Variants in CS observed in about 807,000 individuals in gnomAD.
The protein encoded by CS is citrate synthase.
A neutral mutation model predicts 61.4 loss-of-function variants in CS; 13 were observed. The ratio of observed to expected loss-of-function variants is 0.21; its 90% confidence interval spans 0.14 to 0.34. CS has a LOEUF of 0.34. CS is among the 10% of genes least tolerant of loss of function. The pLI is 1.00. For synonymous variants in CS, 159 were observed against 215.2 expected, an observed-to-expected ratio of 0.74 and a Z score of 2.29; for missense variants, 278 against 573.4, an observed-to-expected ratio of 0.48 and a Z score of 5.26.
intron 4 of CS, 32 bp downstream of exon 4, chr12:56,283,760 G>A: frequency 1.9e-6 from 3 of 1,546,412 alleles, no homozygotes; most frequent in Non-Finnish European, 2.7e-6. Flanking sequence ...CAAACTCAAT[G>A]ATTATTAGTA....
At chr12:56,298,535 A>G in intron 1 of CS, 6 of 657,960 alleles carry the variant, frequency 9.1e-6, no homozygotes, top group Non-Finnish European at 1.1e-5. Context: ...CTCAGAAATG[A>G]GCTAATTATA....
intron 1 of CS, chr12:56,299,761 C>T (rs1873420785): frequency 4.6e-6 from 1 of 216,072 alleles, no homozygotes; most frequent in South Asian, 5.5e-5. Flanking sequence ...GAGCACATAT[C>T]TTCACTCCCG....
chr12:56,278,371 A>G (rs1592406974), intron 6 of CS, among the ~76,000 whole-genome samples: 1 of 151,746 alleles, frequency 6.6e-6, no homozygotes, highest in Admixed American at 6.6e-5. Context: ...CAGGTTATCC[A>G]CCTTCCTCGG....
chr12:56,285,579 C>T (rs901160764), intron 3 of CS, among the ~76,000 whole-genome samples: 20 of 152,198 alleles, frequency 1.3e-4, no homozygotes, highest in African/African-American at 2.4e-5. Flanking sequence ...TGAGCCATTG[C>T]GCCCTCTGTT....
chr12:56,274,991 A>G lies in CS; in HGVS notation c.918+11T>C. ...AAACATGTAGCAGGAAAATAAAAAG[A>G]ATAGTCTTACCTGATTTGCCAGTCC... On this transcript the variant is annotated intron_variant, in intron 8 of 10. Transcript: ENST00000351328. 2.5e-6 allele frequency: 4 copies of G among 1,613,822 alleles called. No individual in the cohort carries two copies. Among genetic ancestry groups the G allele is most frequent in the Non-Finnish European group, 3.4e-6 (4 of 1,179,842 alleles).
rs574886333 is a variant in CS at position 56,292,547 on chromosome 12, G to C, written c.43-5902C>G. ...TGTCTCCTTTGCTCGGTGTACTCTC[G>C]TGGCAAAACTGCTGGCGTGTACCCT... On this transcript the variant is annotated intron_variant, in intron 1 of 10. Transcript: ENST00000351328. Among the ~76,000 whole-genome samples the C allele has an allele frequency of 1.2e-4, 18 of 151,648 alleles. No individual in the cohort carries two copies. In the South Asian group the frequency reaches 3.5e-3, roughly 30 times the overall value.
At chr12:56,280,692 G>A (rs1405060095) in intron 6 of CS, among the ~76,000 whole-genome samples, 1 of 151,696 alleles carries the variant, frequency 6.6e-6, no homozygotes, top group Non-Finnish European at 1.5e-5. Context: ...CAGCCTGGGT[G>A]ACACAGCGAG....
chr12:56,282,871 T>C lies in CS; in HGVS notation c.388A>G (p.Thr130Ala). Residue 130 changes from threonine to alanine, a missense_variant, in exon 5 of 11, where the codon ACA becomes GCA. This residue lies in a region of CS where 223 missense variants were observed against 503.5 expected (regional missense o/e 0.44). Coordinates refer to ENST00000351328, the MANE Select transcript of CS (RefSeq NM_004077.3). ...FWLLVTGHIP[T>A]EEQVSWLSKE... ...TCCTTCTGCTTTACCTGTTCCTCTGTTGGGATATGTCCAGTTACCAGCAGC... is the reference window on the plus strand; with the variant it reads ...TCCTTCTGCTTTACCTGTTCCTCTGCTGGGATATGTCCAGTTACCAGCAGC... The C allele has an allele frequency of 1.2e-6, 2 of 1,614,192 alleles. No homozygotes were observed. The highest frequency in any genetic ancestry group is 8.5e-7 in the Non-Finnish European group (1 of 1,180,034).
intron 1 of CS, among the ~76,000 whole-genome samples, chr12:56,295,346 C>T (rs1873264067): frequency 6.6e-6 from 1 of 150,824 alleles, no homozygotes; most frequent in African/African-American, 2.4e-5. Flanking sequence ...CATGGTGAAA[C>T]CCCATCTCTA....
At chr12:56,274,150 C>T (rs1037353260) in intron 9 of CS, 2 of 264,978 alleles carry the variant, frequency 7.5e-6, no homozygotes, top group Non-Finnish European at 1.5e-5. Flanking sequence ...GGAGAAACCC[C>T]GTCTCTACTA....
At chr12:56,278,395 T>C (rs2135912291) in intron 6 of CS, among the ~76,000 whole-genome samples, 1 of 152,296 alleles carries the variant, frequency 6.6e-6, no homozygotes, top group Admixed American at 6.5e-5. Flanking sequence ...CCCAAAGTGC[T>C]GAGATTACAG....
intron 6 of CS, among the ~76,000 whole-genome samples, chr12:56,277,470 G>C (rs1027183524): frequency 6.6e-6 from 1 of 151,212 alleles, no homozygotes; most frequent in African/African-American, 2.4e-5. Flanking sequence ...CTGTACTCCA[G>C]CCTGGGCGAC....
intron 6 of CS, among the ~76,000 whole-genome samples, chr12:56,280,282 G>A (rs1195204271): frequency 6.6e-6 from 1 of 151,894 alleles, no homozygotes; most frequent in African/African-American, 2.4e-5. Context: ...GGGTGTGGTG[G>A]TGTGCGCCTG....
At chr12:56,300,118 G>GC (rs760370501) in intron 1 of CS, 42 bp downstream of exon 1, 4 of 1,546,440 alleles carry the variant, frequency 2.6e-6, no homozygotes, top group Non-Finnish European at 1.7e-6. Flanking sequence ...GGTCGCCTCA[G>GC]CCCCACCCTG....
intron 6 of CS, among the ~76,000 whole-genome samples, chr12:56,276,729 C>T (rs1044171852): frequency 4.6e-5 from 7 of 152,198 alleles, no homozygotes; most frequent in East Asian, 3.9e-4. Context: ...TTAGTAGAGA[C>T]GGGGTTTCTC....
At chr12:56,299,339 C>A (rs1430259985) in intron 1 of CS, among the ~76,000 whole-genome samples, 1 of 152,124 alleles carries the variant, frequency 6.6e-6, no homozygotes. Flanking sequence ...AAGTAAAGGA[C>A]CCCAAAGAAG....
chr12:56,275,329 C>T (rs1592405352), intron 7 of CS, 198 bp from the exon 8 acceptor site: 3 of 582,642 alleles, frequency 5.1e-6, no homozygotes, highest in Non-Finnish European at 8.9e-6. Context: ...AATCCTAGCA[C>T]TTTGGGAGGC....
At chr12:56,277,101 G>A (rs1471749362) in intron 6 of CS, among the ~76,000 whole-genome samples, 3 of 151,688 alleles carry the variant, frequency 2.0e-5, no homozygotes, top group Admixed American at 6.6e-5. Context: ...CTACTCGGGA[G>A]GCTGAGGCAG....
Position 56,285,868 on chromosome 12 carries a change from A to C in CS, c.201+48T>G, listed in dbSNP as rs765807383. ...GTGGAGAGAATGTTACTTTTGTTGA[A>C]GCACATTACAGAGCTACTTTTCCCA... On this transcript the variant is annotated intron_variant, in intron 3 of 10. Coordinates refer to ENST00000351328, the MANE Select transcript of CS (RefSeq NM_004077.3). 5.6e-6 allele frequency: 8 copies of C among 1,426,642 alleles called. No homozygotes were observed. In the East Asian group the frequency reaches 1.8e-4, roughly 32 times the overall value. The allele number at this position is 1,426,642 out of a possible 1,614,324, so 88.4% of individuals were successfully genotyped here.
Sources: allele counts gnomAD v4.1 joint callset (sites outside exome capture counted in the v4.1 genomes callset), GRCh38; gene constraint gnomAD v4.1.1; regional missense constraint gnomAD v4.1.1; transcripts MANE v1.5; gene names NCBI Gene and HGNC (gene_info 2026-07-23, HGNC 2026-07-21).